PARD3: variants seen among roughly 807,000 people sequenced by gnomAD.
PARD3 encodes the protein par-3 family cell polarity regulator.
PARD3 carries 75 observed loss-of-function variants against 155.4 expected under a neutral mutation model. That is an observed-to-expected ratio of 0.48 (90% confidence interval 0.40 to 0.58). The LOEUF (loss-of-function observed/expected upper bound fraction) is 0.58. Among genes scored for constraint, PARD3 ranks in the 20% least tolerant of loss-of-function variants. The pLI is 0.00. For missense variants in PARD3, 1,642 were observed against 1,721.7 expected, an observed-to-expected ratio of 0.95 and a Z score of 0.82; for synonymous variants, 576 against 610.5, an observed-to-expected ratio of 0.94 and a Z score of 0.83.
At position 34,814,757 on chromosome 10, in the gene PARD3, C is replaced by A. The variant is rs1226909524; in HGVS notation, c.120+119G>T. On this transcript the variant is annotated intron_variant, in intron 1 of 24. Coordinates refer to ENST00000374788, the MANE Select transcript of PARD3 (RefSeq NM_001184785.2). Reference sequence around the variant, plus strand: ...GGGGGCGCCCGCGAGGCCCGACCGGCCGCACTTTCCCTTTCCCCGCCTCCC... The same window carrying A: ...GGGGGCGCCCGCGAGGCCCGACCGGACGCACTTTCCCTTTCCCCGCCTCCC... 7.8e-6 allele frequency: 7 copies of A among 894,152 alleles called. No homozygotes were observed. The East Asian group carries it at 1.7e-4, about 22-fold the overall frequency. The allele number at this position is 894,152 out of a possible 1,614,324, so 55.4% of individuals were successfully genotyped here. A position where few individuals can be genotyped will look rare whatever the true frequency, so the allele number is the denominator to read the frequency against.
rs73268990 is a variant in PARD3 at position 34,222,237 on chromosome 10, C to G, written c.3419+47420G>C. On this transcript the variant is annotated intron_variant, in intron 22 of 24. Coordinates refer to ENST00000374788, the MANE Select transcript of PARD3 (RefSeq NM_001184785.2). ...TTTTCTTGCGCTCTGAATAAGGGGC[C>G]CAGCATTTTCATTTTGCACAAGCCC... Among the ~76,000 whole-genome samples the G allele has an allele frequency of 8.5e-3, 1,296 of 152,138 alleles. 28 individuals carry two copies. Among genetic ancestry groups the G allele is most frequent in the African/African-American group, 0.03 (1,226 of 41,510 alleles).
intron 1 of PARD3, among the ~76,000 whole-genome samples, chr10:34,791,283 G>A (rs1355526886): frequency 4.6e-5 from 7 of 152,164 alleles, no homozygotes; most frequent in African/African-American, 1.7e-4. Flanking sequence ...CCAGGTAGAA[G>A]CCACTGGCCT....
intron 19 of PARD3, among the ~76,000 whole-genome samples, chr10:34,320,691 A>C (rs1357847022): frequency 6.6e-6 from 1 of 152,232 alleles, no homozygotes; most frequent in Non-Finnish European, 1.5e-5. Flanking sequence ...ATGTGAAATA[A>C]AGTAGTATGA....
intron 22 of PARD3, among the ~76,000 whole-genome samples, chr10:34,197,055 T>C (rs895660990): frequency 2.0e-5 from 3 of 152,170 alleles, no homozygotes; most frequent in African/African-American, 7.2e-5. Flanking sequence ...CCTTCCCATC[T>C]GCACCCACTA....
At chr10:34,575,239 A>G (rs138381256) in intron 2 of PARD3, among the ~76,000 whole-genome samples, 166 of 152,334 alleles carry the variant, frequency 1.1e-3, no homozygotes, top group African/African-American at 3.6e-3. Flanking sequence ...TTATCGTATT[A>G]TATCTTATGT....
intron 4 of PARD3, among the ~76,000 whole-genome samples, chr10:34,452,004 G>C (rs1302528463): frequency 1.3e-5 from 2 of 152,058 alleles, no homozygotes; most frequent in Non-Finnish European, 2.9e-5. Flanking sequence ...ATTCAGATAA[G>C]TCATAAAGGG....
At chr10:34,600,180 CA>C (rs71033321) in intron 2 of PARD3, among the ~76,000 whole-genome samples, 182 of 130,636 alleles carry the variant, frequency 1.4e-3, no homozygotes, top group Non-Finnish European at 1.7e-3. Context: ...ATCAAAAATA[CA>C]AAAAAAAAAA....
intron 12 of PARD3, among the ~76,000 whole-genome samples, chr10:34,370,810 GTGT>G (rs1840517001): frequency 3.5e-4 from 4 of 11,348 alleles, no homozygotes; most frequent in Non-Finnish European, 5.2e-4. Flanking sequence ...CAAATGGGGT[GTGT>G]GTGTGTGTGT....
At chr10:34,333,237 T>C (rs968759947) in intron 18 of PARD3, among the ~76,000 whole-genome samples, 21 of 152,134 alleles carry the variant, frequency 1.4e-4, no homozygotes, top group African/African-American at 4.6e-4. Flanking sequence ...ATATAAAGCT[T>C]TTCTTTGTGT....
chr10:34,764,606 C>G (rs1486428789), intron 1 of PARD3, among the ~76,000 whole-genome samples: 1 of 151,850 alleles, frequency 6.6e-6, no homozygotes, highest in Non-Finnish European at 1.5e-5. Context: ...TGCCTGAGTG[C>G]TCATTATTCT....
At chr10:34,335,145 GAAC>G (rs1836026963) in intron 18 of PARD3, among the ~76,000 whole-genome samples, 1 of 151,776 alleles carries the variant, frequency 6.6e-6, no homozygotes, top group Non-Finnish European at 1.5e-5. Flanking sequence ...GGTTTCATAA[GAAC>G]AACAAACAAC....
At chr10:34,514,105 A>G (rs2081562679) in intron 3 of PARD3, among the ~76,000 whole-genome samples, 1 of 152,108 alleles carries the variant, frequency 6.6e-6, no homozygotes, top group African/African-American at 2.4e-5. Flanking sequence ...TAATACCCAA[A>G]CTTCGTATCC....
chr10:34,337,420 C>A lies in PARD3; in HGVS notation c.2415G>T (p.Leu805Phe). 1.3e-6 allele frequency: 2 copies of A among 1,565,660 alleles called. No individual in the cohort carries two copies. Among genetic ancestry groups the A allele is most frequent in the South Asian group, 1.2e-5 (1 of 81,868 alleles). ...CAAGAACTGGATCAACATCTGGACT[C>A]AAAGAGCTGGAGTGAAGAAAAAATA... ...AAISDSADCS[L>F]SPDVDPVLAF... Residue 805 changes from leucine (L) to phenylalanine (F), a missense_variant, in exon 17 of 25, where the codon TTG (leucine) becomes TTT (phenylalanine). Physicochemically the swap from Leu to Phe is conservative, Grantham distance 22. Around this residue, in one of 3 missense-constraint regions of PARD3, gnomAD observed 1,529 missense variants for 1,587.3 expected, o/e 0.96. Coordinates refer to ENST00000374788, the MANE Select transcript of PARD3 (RefSeq NM_001184785.2).
At chr10:34,694,316 T>C (rs1469606247) in intron 2 of PARD3, among the ~76,000 whole-genome samples, 1 of 152,040 alleles carries the variant, frequency 6.6e-6, no homozygotes, top group Non-Finnish European at 1.5e-5. Context: ...AGTGTTGGAA[T>C]TGAGCCACAC....
intron 1 of PARD3, among the ~76,000 whole-genome samples, chr10:34,733,480 A>T (rs1313101150): frequency 6.6e-6 from 1 of 152,188 alleles, no homozygotes; most frequent in Non-Finnish European, 1.5e-5. Flanking sequence ...AAACATGATT[A>T]GAGTTTTGTT....
intron 1 of PARD3, among the ~76,000 whole-genome samples, chr10:34,734,436 C>T (rs2094877401): frequency 6.8e-6 from 1 of 147,846 alleles, no homozygotes; most frequent in African/African-American, 2.5e-5. Context: ...CCTGGGTTCA[C>T]GCCATTCTCC....
chr10:34,355,924 C>CAAAAAAAA lies in PARD3; in HGVS notation c.2067+3215_2067+3222dup, dbSNP rs869284165. Among the ~76,000 whole-genome samples, 33 of 42,698 alleles carry CAAAAAAAA rather than the reference C, an allele frequency of 7.7e-4. 1 individual carries two copies. Among genetic ancestry groups the CAAAAAAAA allele is most frequent in the Non-Finnish European group, 9.6e-4 (22 of 22,956 alleles). 28.0% of individuals were successfully genotyped at this position (42,698 alleles called of 152,430 possible). ...TAGGCAACAGAGTGACACTCCGTCT[C>CAAAAAAAA]AAAAAAAAAAAAAAAAAAAAAACAA... On this transcript the variant is annotated intron_variant, in intron 14 of 24. Coordinates refer to ENST00000374788, the MANE Select transcript of PARD3 (RefSeq NM_001184785.2).
chr10:34,614,998 G>A (rs1211641592), intron 2 of PARD3, among the ~76,000 whole-genome samples: 2 of 152,136 alleles, frequency 1.3e-5, no homozygotes, highest in Admixed American at 1.3e-4. Context: ...CTAACACAGT[G>A]AAACCACGTC....
At chr10:34,167,759 G>C (rs1245748087) in intron 22 of PARD3, among the ~76,000 whole-genome samples, 2 of 152,146 alleles carry the variant, frequency 1.3e-5, no homozygotes, top group Non-Finnish European at 2.9e-5. Flanking sequence ...GTTTACGCTT[G>C]AACGTGTCTC....
Sources: gnomAD v4.1 joint callset for allele counts (sites outside exome capture counted in the v4.1 genomes callset) on GRCh38, gnomAD v4.1.1 for gene constraint, gnomAD v4.1.1 regional missense constraint, MANE v1.5 for transcripts, NCBI Gene and HGNC (gene_info 2026-07-23, HGNC 2026-07-21) for gene names.